The following WDR20 variants were observed in gnomAD, a reference collection of about 807,000 sequenced individuals.
WDR20 encodes WD repeat-containing protein 20.
A neutral mutation model predicts 38.7 loss-of-function variants in WDR20; 3 were observed. The observed-to-expected ratio is 0.08, with a 90% CI of 0.04 to 0.20. The LOEUF (loss-of-function observed/expected upper bound fraction) is 0.20. WDR20 is among the 10% of genes least tolerant of loss of function. The probability of loss-of-function intolerance (pLI) is 1.00; values close to 1 mark genes in which losing one functional copy is unlikely to be tolerated. For synonymous variants in WDR20, 298 were observed against 285.6 expected, an observed-to-expected ratio of 1.04 and a Z score of -0.44; for missense variants, 559 against 727.7, an observed-to-expected ratio of 0.77 and a Z score of 2.67.
chr14:102,211,512 G>A (rs956327129), downstream of WDR20, among the ~76,000 whole-genome samples: 3 of 152,194 alleles, frequency 2.0e-5, no homozygotes, highest in Non-Finnish European at 4.4e-5. The surrounding 1 kb of genome is among the most constrained non-coding windows in gnomAD (Gnocchi z 4.2). Flanking sequence ...GCATGGCCGC[G>A]TGCTGCCACC....
At position 102,207,684 on chromosome 14, in the gene WDR20, A is replaced by C. The variant is rs1567057731; in HGVS notation, c.433-919A>C. 6.6e-6 allele frequency among the ~76,000 whole-genome samples: 1 copy of C among 152,218 alleles called. No homozygotes were observed. The highest frequency in any genetic ancestry group is 1.5e-5 in the Non-Finnish European group (1 of 68,038). On this transcript the variant is annotated intron_variant, in intron 2 of 2. Coordinates refer to ENST00000342702, the MANE Select transcript of WDR20 (RefSeq NM_144574.4). This position sits in a 1 kb window ranked among gnomAD's most constrained non-coding sequence, Gnocchi z 5.0. The stretch of plus-strand genomic sequence containing the variant: ...GATTTTGCGCTCAGACGGTCCAGAA[A>C]GGGACCGCCCCTGTGGAAGGTGTTG...
Position 102,208,842 on chromosome 14 carries a change from C to T in WDR20, c.672C>T (p.Asn224=), listed in dbSNP as rs372628595. 11 of 1,614,050 alleles carry T rather than the reference C, an allele frequency of 6.8e-6. No homozygotes were observed. The highest frequency in any genetic ancestry group is 4.5e-5 in the East Asian group (2 of 44,890). ...GGACGGTGGGCGAGGGGGCCCTCAACGAGTTTGCTTTCTCCCCAGATGGCA... is the reference window on the plus strand; with the variant it reads ...GGACGGTGGGCGAGGGGGCCCTCAATGAGTTTGCTTTCTCCCCAGATGGCA... ...LKWTVGEGAL[N]EFAFSPDGKF... The change falls in exon 3 of 3, where the codon AAC becomes AAT. Residue 224 remains asparagine (N), a synonymous_variant. Coordinates refer to ENST00000342702, the MANE Select transcript of WDR20 (RefSeq NM_144574.4). This position sits in a 1 kb window ranked among gnomAD's most constrained non-coding sequence, Gnocchi z 5.6.
At chr14:102,165,370 A>T (rs1338194671) in intron 1 of WDR20, among the ~76,000 whole-genome samples, 2 of 152,162 alleles carry the variant, frequency 1.3e-5, no homozygotes, top group Non-Finnish European at 2.9e-5. Flanking sequence ...TTTTTCAAAG[A>T]GTCAGCTAGT....
chr14:102,212,905 A>G (rs1378909829), downstream of WDR20: 3 of 1,111,252 alleles, frequency 2.7e-6, no homozygotes, highest in Non-Finnish European at 3.3e-6. Context: ...ATTTGGCAAG[A>G]AGAGGCTGTT....
intron 1 of WDR20, among the ~76,000 whole-genome samples, chr14:102,140,851 C>T (rs1447981155): frequency 6.6e-6 from 1 of 152,182 alleles, no homozygotes; most frequent in East Asian, 1.9e-4. Flanking sequence ...ATGCGAAGGG[C>T]TGAGTACTAC....
intron 2 of WDR20, chr14:102,198,472 CTA>C (rs2059783630): frequency 6.1e-6 from 1 of 164,850 alleles, no homozygotes; most frequent in African/African-American, 2.4e-5. Flanking sequence ...GGACGAAGTG[CTA>C]TGTTTTAAGC....
At chr14:102,148,980 C>T (rs1282831059) in intron 1 of WDR20, among the ~76,000 whole-genome samples, 3 of 151,994 alleles carry the variant, frequency 2.0e-5, no homozygotes, top group Non-Finnish European at 2.9e-5. Context: ...GCTAACACAG[C>T]GACACCCCCT....
downstream of WDR20, chr14:102,212,428 C>A: frequency 7.2e-7 from 1 of 1,385,134 alleles, no homozygotes; most frequent in African/African-American, 1.4e-5. Flanking sequence ...ATGTCCTGAC[C>A]CCTGGCTCAG....
intron 1 of WDR20, among the ~76,000 whole-genome samples, chr14:102,166,181 G>A (rs1036163485): frequency 1.7e-4 from 24 of 144,046 alleles, no homozygotes; most frequent in African/African-American, 5.5e-4. Flanking sequence ...GGGTTTTGCC[G>A]TTGCCCAAGC....
chr14:102,164,488 C>T (rs1305537674), intron 1 of WDR20, among the ~76,000 whole-genome samples: 1 of 152,140 alleles, frequency 6.6e-6, no homozygotes, highest in African/African-American at 2.4e-5. Context: ...GCTCCAAAAT[C>T]GCTAATTCAG....
chr14:102,139,715 G>A, upstream of WDR20: 1 of 753,414 alleles, frequency 1.3e-6, no homozygotes, highest in Non-Finnish European at 2.1e-6. Context: ...CGCCCAGTCG[G>A]GTGGAGCACG....
chr14:102,139,906 T>A lies in WDR20; in HGVS notation c.-18T>A, dbSNP rs754486063. On this transcript the variant is annotated 5_prime_UTR_variant, in exon 1 of 3. An upstream start codon of the reference 5' UTR is lost. Transcript: ENST00000342702. ...CGTGATCCGGGCACTTAGGGCAGGA[T>A]GAACGCTGCTTTCCAAGATGGCGAC... is the stretch of plus-strand genomic sequence containing the variant. 6.2e-7 allele frequency: 1 copy of A among 1,610,660 alleles called. No individual in the cohort carries two copies. Among genetic ancestry groups the A allele is most frequent in the Admixed American group, 1.7e-5 (1 of 59,958 alleles).
chr14:102,151,226 C>T (rs950716377), intron 1 of WDR20, among the ~76,000 whole-genome samples: 1 of 136,376 alleles, frequency 7.3e-6, no homozygotes, highest in Non-Finnish European at 1.5e-5. Flanking sequence ...AGTGTGTCCA[C>T]GGATAATGAA....
downstream of WDR20, among the ~76,000 whole-genome samples, chr14:102,217,237 A>G (rs1451361950): frequency 6.6e-6 from 1 of 152,218 alleles, no homozygotes; most frequent in Non-Finnish European, 1.5e-5. Context: ...GAGGGCCTCC[A>G]GTGACAGCCC....
chr14:102,155,864 C>T (rs999593646), intron 1 of WDR20, among the ~76,000 whole-genome samples: 1 of 151,476 alleles, frequency 6.6e-6, no homozygotes, highest in Non-Finnish European at 1.5e-5. Flanking sequence ...CAACCTCCAT[C>T]CCCGGGCTCA....
intron 1 of WDR20, among the ~76,000 whole-genome samples, chr14:102,150,329 C>G (rs1351608846): frequency 6.6e-6 from 1 of 152,040 alleles, no homozygotes; most frequent in African/African-American, 2.4e-5. Flanking sequence ...TAAAAATTAG[C>G]TGAGTGTGGT....
chr14:102,191,013 A>AG (rs2066237811), intron 1 of WDR20, among the ~76,000 whole-genome samples: 1 of 151,984 alleles, frequency 6.6e-6, no homozygotes, highest in African/African-American at 2.4e-5. Flanking sequence ...AAAAAAAAAA[A>AG]AAGAAAAAAA....
intron 1 of WDR20, among the ~76,000 whole-genome samples, chr14:102,173,029 C>T (rs1473101390): frequency 6.6e-6 from 1 of 150,702 alleles, no homozygotes; most frequent in East Asian, 1.9e-4. Flanking sequence ...CGGGCAGAGA[C>T]GCTCCTCACT....
At chr14:102,210,958 G>A (rs1256835718), downstream of WDR20, among the ~76,000 whole-genome samples, 2 of 152,156 alleles carry the variant, frequency 1.3e-5, no homozygotes, top group African/African-American at 2.4e-5. Flanking sequence ...GGATGCTGAC[G>A]CTGGCCATGT....
Sources: allele counts gnomAD v4.1 joint callset (sites outside exome capture counted in the v4.1 genomes callset), GRCh38; gene constraint gnomAD v4.1.1; non-coding constraint Gnocchi (gnomAD v3.1); transcripts MANE v1.5; gene names NCBI Gene and HGNC (gene_info 2026-07-23, HGNC 2026-07-21).